Variants in EBF2 observed in about 807,000 individuals in gnomAD.
The protein encoded by EBF2 is EBF transcription factor 2, also known as transcription factor COE2.
Under a neutral mutation model 72.8 loss-of-function variants are expected in EBF2, and 21 were observed. The ratio of observed to expected loss-of-function variants is 0.29; its 90% CI spans 0.20 to 0.42. The LOEUF (loss-of-function observed/expected upper bound fraction) is 0.42. Among genes scored for constraint, EBF2 ranks in the 10% least tolerant of loss-of-function variants. The probability of loss-of-function intolerance (pLI) is 1.00; values close to 1 mark genes in which losing one functional copy is unlikely to be tolerated. For synonymous variants in EBF2, 299 were observed against 274.2 expected (o/e 1.09, Z -0.89); for missense variants, 637 against 731.2 (o/e 0.87, Z 1.49).
At chr8:26,030,495 C>G (rs763688158) in intron 6 of EBF2, among the ~76,000 whole-genome samples, 3 of 151,874 alleles carry the variant, frequency 2.0e-5, no homozygotes, top group Non-Finnish European at 4.4e-5. Flanking sequence ...TTAATGGGTG[C>G]AGCACACCAA....
intron 6 of EBF2, among the ~76,000 whole-genome samples, chr8:25,935,377 T>C (rs959769546): frequency 1.3e-5 from 2 of 152,164 alleles, no homozygotes; most frequent in Non-Finnish European, 2.9e-5. Flanking sequence ...GAATTCCCTG[T>C]TTACACTGGG....
intron 6 of EBF2, 147 bp downstream of exon 6, chr8:26,032,938 C>T: frequency 1.5e-6 from 1 of 675,016 alleles, no homozygotes; most frequent in Non-Finnish European, 2.6e-6. Context: ...GAAAGGCCAG[C>T]ATGAGGAGGC....
intron 13 of EBF2, among the ~76,000 whole-genome samples, chr8:25,859,607 TCTAAAA>T (rs1802172053): frequency 6.6e-6 from 1 of 152,164 alleles, no homozygotes; most frequent in Admixed American, 6.5e-5. Context: ...GATTACTGTC[TCTAAAA>T]CTATATAGGA....
intron 6 of EBF2, among the ~76,000 whole-genome samples, chr8:26,015,763 C>G (rs936942643): frequency 2.6e-5 from 4 of 152,182 alleles, no homozygotes; most frequent in African/African-American, 9.7e-5. Context: ...AGCCTTTGTC[C>G]AACCATCACT....
chr8:25,877,585 G>A (rs180882663), intron 10 of EBF2, among the ~76,000 whole-genome samples: 1 of 152,282 alleles, frequency 6.6e-6, no homozygotes, highest in Non-Finnish European at 1.5e-5. Flanking sequence ...TAATTAACCA[G>A]GTACACCTAA....
chr8:26,044,793 T>A lies in EBF2; in HGVS notation c.67A>T (p.Met23Leu). 6.2e-7 allele frequency: 1 copy of A among 1,614,096 alleles called. No individual in the cohort carries two copies. Among genetic ancestry groups the A allele is most frequent in the Non-Finnish European group, 8.5e-7 (1 of 1,180,024 alleles). Residue 23 changes from methionine (M) to leucine (L), a missense_variant, in exon 1 of 16, where the codon ATG (methionine) becomes TTG (leucine). Around this residue, in one of 3 missense-constraint regions of EBF2, gnomAD observed 174 missense variants for 161.9 expected, o/e 1.07. Coordinates refer to ENST00000520164, the MANE Select transcript of EBF2 (RefSeq NM_022659.4). The surrounding 1 kb of genome is among the most constrained non-coding windows in gnomAD (Gnocchi z 4.1). Reference sequence around the variant, plus strand: ...CGGACCCAGGACCTGACCGAATCCATCTCCGCGCCCAGCGATTTCTCTTTC... The same window carrying A: ...CGGACCCAGGACCTGACCGAATCCAACTCCGCGCCCAGCGATTTCTCTTTC... ...TLKEKSLGAE[M>L]DSVRSWVRNV...
intron 6 of EBF2, among the ~76,000 whole-genome samples, chr8:26,028,526 G>T (rs1322516336): frequency 6.6e-6 from 1 of 152,114 alleles, no homozygotes; most frequent in Non-Finnish European, 1.5e-5. Context: ...GAACAATAGG[G>T]ACTCATCTTC....
At chr8:25,853,166 T>C (rs1030848052) in intron 14 of EBF2, among the ~76,000 whole-genome samples, 3 of 152,052 alleles carry the variant, frequency 2.0e-5, no homozygotes, top group Non-Finnish European at 4.4e-5. Context: ...AAAAGCAAAA[T>C]TGTAAAAGTG....
At chr8:25,856,328 G>A (rs1260002538) in intron 14 of EBF2, among the ~76,000 whole-genome samples, 1 of 152,024 alleles carries the variant, frequency 6.6e-6, no homozygotes, top group African/African-American at 2.4e-5. Flanking sequence ...CAAATAGAGG[G>A]AATTTCCTAT....
At chr8:25,867,353 C>T (rs958434992) in intron 10 of EBF2, among the ~76,000 whole-genome samples, 3 of 152,200 alleles carry the variant, frequency 2.0e-5, no homozygotes, top group Non-Finnish European at 1.5e-5. Context: ...TAACATTGCT[C>T]ACACTAAGGT....
At chr8:25,993,204 C>T (rs2117211959) in intron 6 of EBF2, among the ~76,000 whole-genome samples, 1 of 152,316 alleles carries the variant, frequency 6.6e-6, no homozygotes. Flanking sequence ...GTTTTCTTAG[C>T]TCTGTCTGCA....
chr8:26,036,615 C>T lies in EBF2; in HGVS notation c.482+3413G>A, dbSNP rs574400900. Among the ~76,000 whole-genome samples the T allele has an allele frequency of 4.6e-5, 7 of 152,134 alleles. No individual in the cohort carries two copies. In the South Asian group the frequency reaches 1.5e-3, roughly 32 times the overall value. On this transcript the variant is annotated intron_variant, in intron 5 of 15. Coordinates refer to ENST00000520164, the MANE Select transcript of EBF2 (RefSeq NM_022659.4). ...TTCTTTGTTTTTAACGGCATTCAGTCCTCCTGCCAGCAATATTAGCACAAG... is the reference window on the plus strand; with the variant it reads ...TTCTTTGTTTTTAACGGCATTCAGTTCTCCTGCCAGCAATATTAGCACAAG...
chr8:25,853,168 GT>G (rs1205060117), intron 14 of EBF2, among the ~76,000 whole-genome samples: 7 of 152,128 alleles, frequency 4.6e-5, no homozygotes, highest in Non-Finnish European at 1.0e-4. Context: ...AAGCAAAATT[GT>G]AAAAGTGCTA....
chr8:26,039,313 G>A (rs921218951), intron 5 of EBF2, among the ~76,000 whole-genome samples: 1 of 152,160 alleles, frequency 6.6e-6, no homozygotes, highest in Non-Finnish European at 1.5e-5. Context: ...AGGAAGATGG[G>A]AAAGGTGCAG....
chr8:25,986,218 C>T (rs967915330), intron 6 of EBF2, among the ~76,000 whole-genome samples: 3 of 151,980 alleles, frequency 2.0e-5, no homozygotes, highest in African/African-American at 7.3e-5. Context: ...ACTTTCCTTG[C>T]CTTTGTTCAC....
chr8:25,935,518 C>T (rs1803563942), intron 6 of EBF2, among the ~76,000 whole-genome samples: 1 of 152,206 alleles, frequency 6.6e-6, no homozygotes, highest in Admixed American at 6.5e-5. Context: ...ACACAAAGCC[C>T]TTGCGCGTGG....
chr8:25,872,287 A>C (rs1364341695), intron 10 of EBF2, among the ~76,000 whole-genome samples: 1 of 152,172 alleles, frequency 6.6e-6, no homozygotes, highest in East Asian at 1.9e-4. Context: ...TTTTTTAAAA[A>C]AAATGTGAGA....
chr8:25,941,499 C>T (rs1482758548), intron 6 of EBF2, among the ~76,000 whole-genome samples: 12 of 152,200 alleles, frequency 7.9e-5, no homozygotes, highest in African/African-American at 2.9e-4. Flanking sequence ...AGCCACTATG[C>T]CCAGCTGTGC....
At chr8:26,002,191 G>T (rs1392662443) in intron 6 of EBF2, among the ~76,000 whole-genome samples, 2 of 152,192 alleles carry the variant, frequency 1.3e-5, no homozygotes, top group Non-Finnish European at 2.9e-5. Context: ...TTCTGGGGCT[G>T]AGCTTGTGGT....
Sources: allele counts gnomAD v4.1 joint callset (sites outside exome capture counted in the v4.1 genomes callset), GRCh38; gene constraint gnomAD v4.1.1; regional missense constraint gnomAD v4.1.1; non-coding constraint Gnocchi (gnomAD v3.1); transcripts MANE v1.5; gene names NCBI Gene and HGNC (gene_info 2026-07-23, HGNC 2026-07-21).